DLG2: variants seen among roughly 807,000 people sequenced by gnomAD.
DLG2 encodes the protein discs large MAGUK scaffold protein 2.
In DLG2, 45 loss-of-function variants were observed where a neutral mutation model predicts 132.5. The ratio of observed to expected loss-of-function variants is 0.34; its 90% CI spans 0.27 to 0.44. The LOEUF (loss-of-function observed/expected upper bound fraction) is 0.44, where lower values mean the gene tolerates loss of function less well. DLG2 is among the 20% of genes least tolerant of loss of function. The probability of loss-of-function intolerance (pLI) is 1.00; values close to 1 mark genes in which losing one functional copy is unlikely to be tolerated. For missense variants in DLG2, 1,045 were observed against 1,196.9 expected (o/e 0.87, Z 1.87); for synonymous variants, 424 against 419.6 (o/e 1.01, Z -0.13).
intron 4 of DLG2, among the ~76,000 whole-genome samples, chr11:85,175,866 G>T (rs558299597): frequency 1.8e-4 from 27 of 152,198 alleles, no homozygotes; most frequent in African/African-American, 6.3e-4. Context: ...ATTCACAATT[G>T]TCACAAAGGG....
intron 6 of DLG2, among the ~76,000 whole-genome samples, chr11:84,569,568 A>G (rs1206906142): frequency 6.6e-6 from 1 of 152,190 alleles, no homozygotes; most frequent in African/African-American, 2.4e-5. Flanking sequence ...GAAATCCTAG[A>G]GATGAAGAAT....
At chr11:83,695,499 T>C (rs946979497) in intron 18 of DLG2, among the ~76,000 whole-genome samples, 49 of 152,106 alleles carry the variant, frequency 3.2e-4, no homozygotes, top group African/African-American at 1.1e-3. Context: ...TCCCAGCACT[T>C]TGGGAGGCCG....
intron 14 of DLG2, among the ~76,000 whole-genome samples, chr11:83,939,361 T>G (rs1313346318): frequency 6.6e-6 from 1 of 152,174 alleles, no homozygotes; most frequent in Non-Finnish European, 1.5e-5. Context: ...TCAGGTTTGT[T>G]CTGTTGAGTA....
chr11:84,326,260 C>T (rs1176323395), intron 7 of DLG2, among the ~76,000 whole-genome samples: 2 of 151,656 alleles, frequency 1.3e-5, no homozygotes, highest in African/African-American at 4.8e-5. Context: ...TTTCTTCCTT[C>T]TGCTAACTTT....
chr11:83,739,601 G>GC (rs1448140038), intron 18 of DLG2, among the ~76,000 whole-genome samples: 2 of 152,108 alleles, frequency 1.3e-5, no homozygotes, highest in African/African-American at 4.8e-5. Context: ...AAAGAGTTCA[G>GC]CCTCAACCTC....
chr11:85,083,334 A>G (rs1478932602), intron 6 of DLG2, among the ~76,000 whole-genome samples: 6 of 152,150 alleles, frequency 3.9e-5, no homozygotes, highest in Non-Finnish European at 8.8e-5. Context: ...CCAAGCACCA[A>G]TAGGAGATTT....
intron 9 of DLG2, among the ~76,000 whole-genome samples, chr11:84,107,693 T>C (rs1447897644): frequency 6.6e-6 from 1 of 152,100 alleles, no homozygotes; most frequent in African/African-American, 2.4e-5. Context: ...TAAGTTATAG[T>C]ATTATTTTAA....
intron 5 of DLG2, among the ~76,000 whole-genome samples, chr11:85,151,739 A>G: frequency 6.6e-6 from 1 of 152,188 alleles, no homozygotes; most frequent in East Asian, 1.9e-4. Context: ...TCTTTCACTG[A>G]TGAATATATC....
chr11:85,531,139 A>T (rs1218199089), intron 3 of DLG2, among the ~76,000 whole-genome samples: 1 of 152,266 alleles, frequency 6.6e-6, no homozygotes, highest in Non-Finnish European at 1.5e-5. Context: ...ATAACAACTA[A>T]TTCAATTATT....
At chr11:84,458,400 T>A (rs1311193473) in intron 7 of DLG2, among the ~76,000 whole-genome samples, 1 of 150,892 alleles carries the variant, frequency 6.6e-6, no homozygotes, top group Non-Finnish European at 1.5e-5. Context: ...CAAGTGATCA[T>A]CGTCCTCCAG....
intron 3 of DLG2, among the ~76,000 whole-genome samples, chr11:85,377,062 A>G (rs542353563): frequency 1.3e-5 from 2 of 152,350 alleles, no homozygotes; most frequent in South Asian, 4.1e-4. Flanking sequence ...TAAGCCACAA[A>G]GAAACATAGC....
chr11:84,395,716 A>T (rs2098808690), intron 7 of DLG2, among the ~76,000 whole-genome samples: 1 of 152,226 alleles, frequency 6.6e-6, no homozygotes, highest in African/African-American at 2.4e-5. Flanking sequence ...ACTAGATTTA[A>T]TCATTCCGCA....
chr11:85,196,162 G>A (rs2081052960), intron 4 of DLG2, among the ~76,000 whole-genome samples: 1 of 152,148 alleles, frequency 6.6e-6, no homozygotes, highest in South Asian at 2.1e-4. Flanking sequence ...TAAAATCAGT[G>A]ACAAATCCAA....
intron 6 of DLG2, among the ~76,000 whole-genome samples, chr11:85,017,659 C>T (rs563965087): frequency 4.1e-4 from 63 of 152,222 alleles, no homozygotes; most frequent in African/African-American, 1.5e-3. Context: ...TTTTACTATT[C>T]CAGTATGAGA....
At chr11:83,897,413 C>T (rs2072081535) in intron 15 of DLG2, among the ~76,000 whole-genome samples, 1 of 152,294 alleles carries the variant, frequency 6.6e-6, no homozygotes, top group East Asian at 1.9e-4. Context: ...ATGCCTTTAA[C>T]CACTAATTTG....
chr11:83,649,962 A>T (rs146152403), intron 18 of DLG2, among the ~76,000 whole-genome samples: 322 of 152,348 alleles, frequency 2.1e-3, no homozygotes, highest in African/African-American at 7.5e-3. Context: ...TTTTAACTTT[A>T]TTCAAACATA....
At chr11:83,498,099 T>C (rs893299174) in intron 21 of DLG2, among the ~76,000 whole-genome samples, 6 of 152,148 alleles carry the variant, frequency 3.9e-5, no homozygotes, top group African/African-American at 1.4e-4. Flanking sequence ...CTTTTCTGTA[T>C]AATTTTAATT....
At chr11:85,484,389 G>C (rs201938101) in intron 3 of DLG2, among the ~76,000 whole-genome samples, 4,159 of 150,978 alleles carry the variant, frequency 0.028, 96 homozygotes, top group East Asian at 0.095. Context: ...CACAGCAAAA[G>C]AAACTACCAT....
At chr11:83,631,452 T>C (rs1448983281) in intron 19 of DLG2, 1 of 152,124 alleles carries the variant, frequency 6.6e-6, no homozygotes, top group Non-Finnish European at 1.5e-5. Flanking sequence ...TTGAGTCTCA[T>C]TAAAAAGAGG....
Sources: gnomAD v4.1 joint callset for allele counts (sites outside exome capture counted in the v4.1 genomes callset) on GRCh38, gnomAD v4.1.1 for gene constraint, MANE v1.5 for transcripts, NCBI Gene and HGNC (gene_info 2026-07-23, HGNC 2026-07-21) for gene names.